Variants in B3GALT1 observed in about 807,000 individuals in gnomAD.
B3GALT1 encodes the protein beta-1,3-galactosyltransferase 1, also known as UDP-Gal:betaGlcNAc beta 1,3-galactosyltransferase, polypeptide 1.
B3GALT1 carries 10 observed loss-of-function variants against 23.2 expected under a neutral mutation model. The observed-to-expected ratio is 0.43, with a 90% CI of 0.27 to 0.73. The LOEUF is 0.73. B3GALT1 is among the 30% of genes least tolerant of loss of function. B3GALT1 has a pLI of 0.21. For synonymous variants in B3GALT1, 156 were observed against 141.5 expected, an observed-to-expected ratio of 1.10 and a Z score of -0.73; for missense variants, 299 against 405.4, an observed-to-expected ratio of 0.74 and a Z score of 2.25.
intron 3 of B3GALT1, among the ~76,000 whole-genome samples, chr2:167,666,087 AG>A (rs201613900): frequency 0.012 from 1,875 of 152,206 alleles, 43 homozygotes; most frequent in African/African-American, 0.042. Flanking sequence ...GTGGGCATTT[AG>A]TGCTGTAAAT....
intron 4 of B3GALT1, among the ~76,000 whole-genome samples, chr2:167,860,591 A>C (rs1465719759): frequency 6.6e-6 from 1 of 152,186 alleles, no homozygotes; most frequent in Non-Finnish European, 1.5e-5. Flanking sequence ...TTCAGAGTCA[A>C]TTTTAACAGA....
intron 3 of B3GALT1, among the ~76,000 whole-genome samples, chr2:167,670,593 T>C (rs1430632592): frequency 4.6e-5 from 7 of 152,166 alleles, no homozygotes; most frequent in Non-Finnish European, 1.0e-4. Flanking sequence ...GTCTGGCAAG[T>C]AGTTCAAAAT....
At chr2:167,850,868 A>G (rs943297819) in intron 4 of B3GALT1, among the ~76,000 whole-genome samples, 4 of 152,154 alleles carry the variant, frequency 2.6e-5, no homozygotes, top group African/African-American at 7.2e-5. Flanking sequence ...GGTGCAGTGT[A>G]TATTGCTTGG....
At chr2:167,780,254 T>A (rs1368277009) in intron 3 of B3GALT1, among the ~76,000 whole-genome samples, 1 of 152,208 alleles carries the variant, frequency 6.6e-6, no homozygotes, top group East Asian at 1.9e-4. Flanking sequence ...TTGCACACAA[T>A]GTTTTAGATT....
intron 2 of B3GALT1, among the ~76,000 whole-genome samples, chr2:167,538,018 A>G (rs543996327): frequency 6.6e-6 from 1 of 151,980 alleles, no homozygotes; most frequent in African/African-American, 2.4e-5. Context: ...AGTTGGGGTT[A>G]CATCATGTTG....
At chr2:167,827,574 T>C (rs912435309) in intron 4 of B3GALT1, among the ~76,000 whole-genome samples, 1 of 152,174 alleles carries the variant, frequency 6.6e-6, no homozygotes, top group Non-Finnish European at 1.5e-5. Context: ...TTTCTGCAAA[T>C]AGCGCCCACC....
Position 167,464,321 on chromosome 2 carries a change from A to G in B3GALT1, c.-510-25856A>G, listed in dbSNP as rs141178470. 5.4e-3 allele frequency among the ~76,000 whole-genome samples: 822 copies of G among 152,336 alleles called. 9 individuals are homozygous for G. The highest frequency in any genetic ancestry group is 0.019 in the African/African-American group (783 of 41,582). On this transcript the variant is annotated intron_variant, in intron 1 of 4. Coordinates refer to ENST00000392690, the MANE Select transcript of B3GALT1 (RefSeq NM_020981.4). ...AATGCAAGTTCTTGATCTGTATGAA[A>G]TATAATCATTCTTCTTTTCAGAGAA...
chr2:167,606,548 T>G (rs1284000258), intron 2 of B3GALT1, among the ~76,000 whole-genome samples: 1 of 152,220 alleles, frequency 6.6e-6, no homozygotes, highest in Non-Finnish European at 1.5e-5. Flanking sequence ...GTTTCTTTTC[T>G]GCTTCCATTT....
intron 3 of B3GALT1, among the ~76,000 whole-genome samples, chr2:167,809,228 A>G (rs1038611622): frequency 1.3e-5 from 2 of 152,160 alleles, no homozygotes; most frequent in Non-Finnish European, 2.9e-5. Flanking sequence ...CATGGGTTCG[A>G]AATTCCTCCT....
At chr2:167,306,222 A>G (rs1023960648) in intron 1 of B3GALT1, among the ~76,000 whole-genome samples, 2 of 152,072 alleles carry the variant, frequency 1.3e-5, no homozygotes, top group African/African-American at 4.8e-5. Context: ...TACATTTGAG[A>G]ATAATATGCA....
At chr2:167,415,717 G>A (rs971054802) in intron 1 of B3GALT1, among the ~76,000 whole-genome samples, 1 of 152,194 alleles carries the variant, frequency 6.6e-6, no homozygotes, top group Non-Finnish European at 1.5e-5. Flanking sequence ...AGCAAAGAAC[G>A]TTCTGATGAG....
intron 1 of B3GALT1, among the ~76,000 whole-genome samples, chr2:167,438,032 A>G (rs1698814356): frequency 6.6e-6 from 1 of 152,226 alleles, no homozygotes; most frequent in South Asian, 2.1e-4. Flanking sequence ...ATAGTAAACA[A>G]TTTCTATCAT....
At chr2:167,516,270 T>C (rs1700099072) in intron 2 of B3GALT1, among the ~76,000 whole-genome samples, 1 of 152,148 alleles carries the variant, frequency 6.6e-6, no homozygotes, top group African/African-American at 2.4e-5. Context: ...TTTAAGAACT[T>C]ACCAATGGCC....
At chr2:167,720,394 A>G (rs1317512679) in intron 3 of B3GALT1, among the ~76,000 whole-genome samples, 1 of 152,160 alleles carries the variant, frequency 6.6e-6, no homozygotes, top group Non-Finnish European at 1.5e-5. Flanking sequence ...CAGCATGGCA[A>G]ACATCTGGAC....
At chr2:167,675,897 C>T (rs746230275) in intron 3 of B3GALT1, among the ~76,000 whole-genome samples, 1 of 150,836 alleles carries the variant, frequency 6.6e-6, no homozygotes, top group Non-Finnish European at 1.5e-5. Flanking sequence ...TATCCCTAGC[C>T]CCCACCCACT....
At chr2:167,456,413 G>T (rs912115663) in intron 1 of B3GALT1, among the ~76,000 whole-genome samples, 2 of 152,204 alleles carry the variant, frequency 1.3e-5, no homozygotes, top group Admixed American at 1.3e-4. Flanking sequence ...AACATGAAAT[G>T]TGGAGAAGAC....
chr2:167,302,620 A>AT (rs939940940), intron 1 of B3GALT1, among the ~76,000 whole-genome samples: 1 of 152,090 alleles, frequency 6.6e-6, no homozygotes, highest in East Asian at 1.9e-4. Context: ...ATTAAAATAA[A>AT]TTTTTTTATT....
chr2:167,825,515 A>G (rs936170311), intron 4 of B3GALT1, among the ~76,000 whole-genome samples: 13 of 149,380 alleles, frequency 8.7e-5, no homozygotes, highest in African/African-American at 2.9e-4. Flanking sequence ...TTATATATAC[A>G]TATATAAAAA....
At chr2:167,484,048 G>A (rs1192023355) in intron 1 of B3GALT1, among the ~76,000 whole-genome samples, 2 of 152,060 alleles carry the variant, frequency 1.3e-5, no homozygotes, top group Admixed American at 6.6e-5. Flanking sequence ...AGGAATATAT[G>A]GCTCTTACTT....
Sources: allele counts gnomAD v4.1 joint callset (sites outside exome capture counted in the v4.1 genomes callset), GRCh38; gene constraint gnomAD v4.1.1; transcripts MANE v1.5; gene names NCBI Gene and HGNC (gene_info 2026-07-23, HGNC 2026-07-21).